SCYL3: variants seen among roughly 807,000 people sequenced by gnomAD.
SCYL3 encodes the protein SCY1 like pseudokinase 3.
A neutral mutation model predicts 73.8 loss-of-function variants in SCYL3; 35 were observed. The observed-to-expected ratio is 0.47, with a 90% CI of 0.36 to 0.63. SCYL3 has a LOEUF of 0.63. Ranked by LOEUF, SCYL3 falls within the 20% of genes least tolerant of loss-of-function variation. SCYL3 has a pLI of 0.00. For synonymous variants in SCYL3, 277 were observed against 295.2 expected, an observed-to-expected ratio of 0.94 and a Z score of 0.63; for missense variants, 712 against 798.9, an observed-to-expected ratio of 0.89 and a Z score of 1.31.
intron 2 of SCYL3, among the ~76,000 whole-genome samples, chr1:169,880,870 C>T (rs6671752): frequency 0.71 from 107,227 of 151,476 alleles, 38,143 homozygotes; most frequent in Middle Eastern, 0.86. Context: ...CAAGTGATTC[C>T]CCTGCCTCAG....
chr1:169,851,935 A>G lies in SCYL3; in HGVS notation c.*1778T>C. 6.2e-7 allele frequency: 1 copy of G among 1,614,058 alleles called. No homozygotes were observed. The highest frequency in any genetic ancestry group is 1.1e-5 in the South Asian group (1 of 91,082). Reference sequence around the variant, plus strand: ...GAAGAAGCAAAGAGGTCATCTTTACAGGTATGGGCTGATTTCAATAGGGGC... The same window carrying G: ...GAAGAAGCAAAGAGGTCATCTTTACGGGTATGGGCTGATTTCAATAGGGGC... On this transcript the variant is annotated 3_prime_UTR_variant, in exon 13 of 13. Transcript: ENST00000367771.
chr1:169,875,131 G>A (rs1220749954), intron 4 of SCYL3, among the ~76,000 whole-genome samples: 1 of 152,182 alleles, frequency 6.6e-6, no homozygotes, highest in Non-Finnish European at 1.5e-5. Context: ...TGTCTTTGTG[G>A]TAGAACATCT....
intron 2 of SCYL3, among the ~76,000 whole-genome samples, chr1:169,883,185 C>T (rs1389014023): frequency 1.3e-5 from 2 of 152,150 alleles, no homozygotes; most frequent in African/African-American, 4.8e-5. Flanking sequence ...ACACTCACCG[C>T]GAGGGTCCGC....
chr1:169,867,117 G>A, intron 7 of SCYL3, 144 bp from the exon 8 acceptor site: 2 of 574,636 alleles, frequency 3.5e-6, no homozygotes, highest in South Asian at 4.5e-5. Flanking sequence ...CAACTAAGTA[G>A]CTTATGAGAC....
Position 169,850,289 on chromosome 1 carries a change from C to T in SCYL3, c.*3424G>A. On this transcript the variant is annotated 3_prime_UTR_variant, in exon 13 of 13. Transcript: ENST00000367771. ...GGGAACAAATCATGAAGAGATAGTT[C>T]CACAGTGTCTCAGTTCTGAAGAAAC... is the stretch of plus-strand genomic sequence containing the variant. 1 of 1,611,972 alleles carries T rather than the reference C, an allele frequency of 6.2e-7. No homozygotes were observed. Among genetic ancestry groups the T allele is most frequent in the Non-Finnish European group, 8.5e-7 (1 of 1,178,326 alleles).
chr1:169,851,604 A>C lies in SCYL3; in HGVS notation c.*2109T>G. 4.9e-6 allele frequency: 3 copies of C among 606,406 alleles called. No individual in the cohort carries two copies. The highest frequency in any genetic ancestry group is 8.3e-6 in the Non-Finnish European group (3 of 360,594). 37.6% of individuals were successfully genotyped at this position (606,406 alleles called of 1,614,324 possible). On this transcript the variant is annotated 3_prime_UTR_variant, in exon 13 of 13. Coordinates refer to ENST00000367771, the MANE Select transcript of SCYL3 (RefSeq NM_020423.7). ...TTAGCAGACTATCATTTTTTCCTGC[A>C]AAGACAACTCTATAACTAACTATTT...
intron 2 of SCYL3, among the ~76,000 whole-genome samples, chr1:169,887,480 TA>T (rs979586596): frequency 3.9e-5 from 6 of 152,116 alleles, no homozygotes; most frequent in East Asian, 1.9e-4. Flanking sequence ...AATAGTTTAT[TA>T]AAAAAAATGC....
At chr1:169,869,089 GGA>G (rs1297328138) in intron 6 of SCYL3, 50 bp from the exon 7 acceptor site, 2 of 1,458,914 alleles carry the variant, frequency 1.4e-6, no homozygotes, top group Non-Finnish European at 1.9e-6. Flanking sequence ...CCTCTTTTCA[GGA>G]CCTCTATAGC....
intron 1 of SCYL3, among the ~76,000 whole-genome samples, chr1:169,889,107 A>G (rs1431664672): frequency 2.6e-5 from 4 of 152,244 alleles, no homozygotes; most frequent in Non-Finnish European, 5.9e-5. Context: ...AAATAGTCAC[A>G]GGTAGTTACT....
chr1:169,854,051 T>TAAAA (rs1658837940), intron 12 of SCYL3: 1 of 566,168 alleles, frequency 1.8e-6, no homozygotes, highest in Non-Finnish European at 3.0e-6. Flanking sequence ...CTTTTTCAAA[T>TAAAA]AAAAAGGTTA....
rs1203848458 is a variant in SCYL3 at position 169,870,323 on chromosome 1, C to T, written c.557G>A (p.Gly186Glu). Residue 186 changes from glycine to glutamate, a missense_variant, in exon 6 of 13, where the codon GGA becomes GAA. This residue lies in a region of SCYL3 where 342 missense variants were observed against 448.1 expected (regional missense o/e 0.76). Transcript: ENST00000367771. ...PEFTTLPECH[G>E]HARDAFSFGT... is the part of the protein sequence containing the mutation. ...AAATGAAAAGGCATCCCGGGCATGT[C>T]CATGACACTCTGGGAGAGTTGTGAA... The T allele has an allele frequency of 6.2e-7, 1 of 1,613,250 alleles. No homozygotes were observed. Among genetic ancestry groups the T allele is most frequent in the Non-Finnish European group, 8.5e-7 (1 of 1,179,674 alleles).
chr1:169,892,403 C>T (rs1465728884), intron 1 of SCYL3, among the ~76,000 whole-genome samples: 1 of 152,194 alleles, frequency 6.6e-6, no homozygotes, highest in Non-Finnish European at 1.5e-5. Context: ...AGATTACAGG[C>T]ATGTGCCACC....
intron 2 of SCYL3, among the ~76,000 whole-genome samples, chr1:169,880,271 T>G (rs1308255548): frequency 6.6e-6 from 1 of 152,112 alleles, no homozygotes; most frequent in Non-Finnish European, 1.5e-5. Context: ...ATACTTAAAG[T>G]ATTTAGCCAA....
In SCYL3 at chr1:169,854,602, T is replaced by C; in HGVS notation, c.1675A>G (p.Met559Val). 1.2e-6 allele frequency: 2 copies of C among 1,614,036 alleles called. No homozygotes were observed. Among genetic ancestry groups the C allele is most frequent in the African/African-American group, 1.3e-5 (1 of 75,036 alleles). The change falls in exon 12 of 13, where the codon ATG becomes GTG. Residue 559 changes from methionine (M) to valine (V), a missense_variant. Met to Val is a conservative substitution (Grantham distance 21). This residue lies in a region of SCYL3 where 370 missense variants were observed against 350.8 expected (regional missense o/e 1.05). Coordinates refer to ENST00000367771, the MANE Select transcript of SCYL3 (RefSeq NM_020423.7). ...TGGGGTAAGCTTGATTTCCAAGGCA[T>C]AGACTCTTCAGTGAGTGAAAGCAAA... ...PALLSLTEES[M>V]PWKSSLPQKI... is the part of the protein sequence containing the mutation.
At chr1:169,878,880 A>G (rs1661049610) in intron 2 of SCYL3, 61 bp from the exon 3 acceptor site, 1 of 1,437,004 alleles carries the variant, frequency 7.0e-7, no homozygotes, top group African/African-American at 1.4e-5. Flanking sequence ...ATAGTTTCAT[A>G]TACATTATGG....
chr1:169,863,691 A>C (rs1659826277), intron 9 of SCYL3, among the ~76,000 whole-genome samples: 1 of 152,226 alleles, frequency 6.6e-6, no homozygotes, highest in Non-Finnish European at 1.5e-5. Context: ...TGTAAGACCT[A>C]CTGAGGAATA....
In SCYL3 at chr1:169,854,426, A is replaced by G; in HGVS notation, c.1851T>C (p.Pro617=). The G allele has an allele frequency of 1.2e-6, 2 of 1,613,870 alleles. No individual in the cohort carries two copies. The highest frequency in any genetic ancestry group is 1.7e-6 in the Non-Finnish European group (2 of 1,179,796). ...IQVKKKPVKD[P]EMDWFADMIP... is the part of the protein sequence containing the mutation. ...TCATATCAGCAAACCAATCCATCTC[A>G]GGATCTTTTACTGGCTTCTTTTTTA... Residue 617 remains proline, a synonymous_variant, in exon 12 of 13, where the codon CCT becomes CCC. Coordinates refer to ENST00000367771, the MANE Select transcript of SCYL3 (RefSeq NM_020423.7).
At chr1:169,885,993 T>C (rs181728607) in intron 2 of SCYL3, among the ~76,000 whole-genome samples, 1 of 152,250 alleles carries the variant, frequency 6.6e-6, no homozygotes, top group East Asian at 1.9e-4. Flanking sequence ...ATTCTGATTA[T>C]GAAGGGCAAA....
At position 169,850,265 on chromosome 1, in the gene SCYL3, G is replaced by T; in HGVS notation, c.*3448C>A. 1 of 1,601,052 alleles carries T rather than the reference G, an allele frequency of 6.2e-7. No homozygotes were observed. The highest frequency in any genetic ancestry group is 1.1e-5 in the South Asian group (1 of 90,194). On this transcript the variant is annotated 3_prime_UTR_variant, in exon 13 of 13. Coordinates refer to ENST00000367771, the MANE Select transcript of SCYL3 (RefSeq NM_020423.7). ...GTCTTGTTCATCAATTTTTTAATAG[G>T]GAACAAATCATGAAGAGATAGTTCC...
Sources: allele counts gnomAD v4.1 joint callset (sites outside exome capture counted in the v4.1 genomes callset), GRCh38; gene constraint gnomAD v4.1.1; regional missense constraint gnomAD v4.1.1; transcripts MANE v1.5; gene names NCBI Gene and HGNC (gene_info 2026-07-23, HGNC 2026-07-21).